RANBP2: variants seen among roughly 807,000 people sequenced by gnomAD.
The protein encoded by RANBP2 is RAN binding protein 2.
RANBP2 carries 57 observed loss-of-function variants against 303.6 expected under a neutral mutation model. The ratio of observed to expected loss-of-function variants is 0.19; its 90% CI spans 0.15 to 0.23. The LOEUF is 0.23. RANBP2 is among the 10% of genes least tolerant of loss of function. The probability of loss-of-function intolerance (pLI) is 1.00; values close to 1 mark genes in which losing one functional copy is unlikely to be tolerated. For synonymous variants in RANBP2, 1,167 were observed against 1,301.5 expected, an observed-to-expected ratio of 0.90 and a Z score of 2.23; for missense variants, 3,138 against 3,780.8, an observed-to-expected ratio of 0.83 and a Z score of 4.46.
At chr2:108,812,033 A>G in the RANBP2 span, among the ~76,000 whole-genome samples, 1 of 152,182 alleles carries the variant, frequency 6.6e-6, no homozygotes, top group Non-Finnish European at 1.5e-5. Flanking sequence ...TAAGTAATAT[A>G]ATAAAAAAAT....
the RANBP2 span, among the ~76,000 whole-genome samples, chr2:109,078,098 A>ATAGATAGATAGCGTG: frequency 1.7e-5 from 1 of 60,056 alleles, no homozygotes; most frequent in East Asian, 6.2e-4. Flanking sequence ...ATATATATAT[A>ATAGATAGATAGCGTG]TATATATATA....
Position 108,785,212 on chromosome 2 carries a change from G to C in RANBP2, c.*1311G>C, listed in dbSNP as rs1678532962. On this transcript the variant is annotated 3_prime_UTR_variant, in exon 29 of 29. Coordinates refer to ENST00000283195, the MANE Select transcript of RANBP2 (RefSeq NM_006267.5). The stretch of plus-strand genomic sequence containing the variant: ...ACTGTTCAACCACCAGTCAAAAGAG[G>C]GGAGGGATGTTGTGCGAGTAATGAG... The C allele has an allele frequency of 6.6e-6, 1 of 152,168 alleles. No homozygotes were observed. Among genetic ancestry groups the C allele is most frequent in the Non-Finnish European group, 1.5e-5 (1 of 68,032 alleles). 9.4% of individuals were successfully genotyped at this position (152,168 alleles called of 1,614,324 possible).
chr2:108,944,067 G>A, the RANBP2 span, among the ~76,000 whole-genome samples: 4 of 152,330 alleles, frequency 2.6e-5, no homozygotes, highest in African/African-American at 4.8e-5. Flanking sequence ...ATCCAGCCAC[G>A]TAGGAGCAAA....
chr2:109,630,018 A>G, the RANBP2 span, among the ~76,000 whole-genome samples: 1 of 152,280 alleles, frequency 6.6e-6, no homozygotes, highest in Non-Finnish European at 1.5e-5. Flanking sequence ...ACGCCCACAC[A>G]TAACTACAGT....
chr2:109,703,145 C>A, the RANBP2 span, among the ~76,000 whole-genome samples: 1 of 152,152 alleles, frequency 6.6e-6, no homozygotes, highest in South Asian at 2.1e-4. Context: ...ATTAACCAAA[C>A]AACATTAGCA....
intron 7 of RANBP2, among the ~76,000 whole-genome samples, chr2:108,741,284 C>T (rs1696061292): frequency 6.6e-6 from 1 of 151,996 alleles, no homozygotes; most frequent in Admixed American, 6.6e-5. Flanking sequence ...GCAGCCTCCA[C>T]CTCCTGGGTT....
chr2:109,116,516 C>G, the RANBP2 span, among the ~76,000 whole-genome samples: 2 of 152,322 alleles, frequency 1.3e-5, no homozygotes, highest in East Asian at 3.9e-4. Context: ...ATTGGTTATT[C>G]TAGTTATACA....
chr2:108,733,128 A>G (rs1695306683), intron 4 of RANBP2, among the ~76,000 whole-genome samples: 1 of 151,918 alleles, frequency 6.6e-6, no homozygotes, highest in African/African-American at 2.4e-5. Flanking sequence ...CCAGCCAAGC[A>G]CATGACGTTT....
chr2:109,593,071 C>A, the RANBP2 span: 1 of 1,598,818 alleles, frequency 6.3e-7, no homozygotes, highest in Non-Finnish European at 8.5e-7. Flanking sequence ...TCATCTGATC[C>A]TTGTGAAGAC....
chr2:108,856,842 CAG>C, the RANBP2 span: 1 of 1,613,090 alleles, frequency 6.2e-7, no homozygotes, highest in African/African-American at 1.3e-5. Flanking sequence ...GACTTGAAGA[CAG>C]AAGAAGGAAA....
the RANBP2 span, among the ~76,000 whole-genome samples, chr2:109,014,628 C>T: frequency 6.6e-6 from 1 of 152,196 alleles, no homozygotes; most frequent in South Asian, 2.1e-4. Flanking sequence ...ACATTTCTGA[C>T]CAGGTTTTCC....
At chr2:109,399,216 G>A in the RANBP2 span, among the ~76,000 whole-genome samples, 16,604 of 152,110 alleles carry the variant, frequency 0.11, 1,052 homozygotes, top group East Asian at 0.24. Context: ...ACACCCACCC[G>A]CCTCATGACA....
chr2:109,602,687 A>G, the RANBP2 span, among the ~76,000 whole-genome samples: 1 of 151,672 alleles, frequency 6.6e-6, no homozygotes, highest in Non-Finnish European at 1.5e-5. Context: ...AATTAAAAAA[A>G]AAAAAAAAAA....
At chr2:109,500,222 T>C in the RANBP2 span, among the ~76,000 whole-genome samples, 1 of 152,102 alleles carries the variant, frequency 6.6e-6, no homozygotes, top group African/African-American at 2.4e-5. Flanking sequence ...GTTCAAGTTG[T>C]TATAGGCAGA....
chr2:109,483,515 T>C, the RANBP2 span, among the ~76,000 whole-genome samples: 1 of 152,232 alleles, frequency 6.6e-6, no homozygotes, highest in Non-Finnish European at 1.5e-5. Context: ...TGCCTGTGGG[T>C]TGAGGTGGCA....
chr2:108,860,089 T>A, the RANBP2 span, among the ~76,000 whole-genome samples: 2 of 152,128 alleles, frequency 1.3e-5, no homozygotes, highest in East Asian at 3.8e-4. Flanking sequence ...TGCCCTTGAT[T>A]TGGTTTTCAG....
At chr2:109,544,162 T>A in the RANBP2 span, 1 of 1,567,854 alleles carries the variant, frequency 6.4e-7, no homozygotes, top group Non-Finnish European at 8.6e-7. Context: ...TACTTGAAAG[T>A]ACTTTTCCAT....
the RANBP2 span, among the ~76,000 whole-genome samples, chr2:108,800,875 GTGTTTGGT>G: frequency 8.2e-6 from 1 of 122,286 alleles, no homozygotes; most frequent in African/African-American, 3.1e-5. Context: ...AGAATATGCG[GTGTTTGGT>G]TTTTTGTTCT....
chr2:109,399,050 G>C, the RANBP2 span: 1 of 1,267,608 alleles, frequency 7.9e-7, no homozygotes, highest in Non-Finnish European at 1.1e-6. Flanking sequence ...GGCCGCCCCA[G>C]AACTGCCTTT....
Sources: allele counts gnomAD v4.1 joint callset (sites outside exome capture counted in the v4.1 genomes callset), GRCh38; gene constraint gnomAD v4.1.1; transcripts MANE v1.5; gene names NCBI Gene and HGNC (gene_info 2026-07-23, HGNC 2026-07-21).